Variants in NFKB1 observed in about 807,000 individuals in gnomAD.
The protein encoded by NFKB1 is nuclear factor kappa B subunit 1, also known as nuclear factor NF-kappa-B p105 subunit.
In NFKB1, 9 loss-of-function variants were observed where a neutral mutation model predicts 105.1. The observed-to-expected ratio is 0.09, with a 90% CI of 0.05 to 0.15. NFKB1 has a LOEUF of 0.15. Among genes scored for constraint, NFKB1 ranks in the 10% least tolerant of loss-of-function variants. NFKB1 has a pLI of 1.00. For synonymous variants in NFKB1, 440 were observed against 442.2 expected, an observed-to-expected ratio of 1.00 and a Z score of 0.06; for missense variants, 830 against 1,203.7, an observed-to-expected ratio of 0.69 and a Z score of 4.59.
At chr4:102,585,562 A>G (rs1023883326) in intron 11 of NFKB1, among the ~76,000 whole-genome samples, 1 of 152,214 alleles carries the variant, frequency 6.6e-6, no homozygotes, top group African/African-American at 2.4e-5. Flanking sequence ...AAACTATGAA[A>G]ATGAGTAAGG....
chr4:102,562,720 G>A (rs1481237177), intron 5 of NFKB1, among the ~76,000 whole-genome samples: 1 of 152,184 alleles, frequency 6.6e-6, no homozygotes, highest in Non-Finnish European at 1.5e-5. Context: ...CAGCTAAGTG[G>A]TAACAGTCGG....
In NFKB1 at chr4:102,612,548, T is replaced by C; in HGVS notation, c.2534T>C (p.Leu845Pro). The C allele has an allele frequency of 1.2e-6, 2 of 1,614,050 alleles. No individual in the cohort carries two copies. Among genetic ancestry groups the C allele is most frequent in the Non-Finnish European group, 1.7e-6 (2 of 1,180,028 alleles). Residue 845 changes from leucine (L) to proline (P), a missense_variant, in exon 22 of 24, where the codon CTT becomes CCT. Physicochemically the swap from Leu to Pro is moderately conservative, Grantham distance 98. Around this residue, in one of 8 missense-constraint regions of NFKB1, gnomAD observed 418 missense variants for 575.3 expected, o/e 0.73. Transcript: ENST00000226574. ...GCGCAGAAATTAGGTCTGGGGATAC[T>C]TAATAATGCCTTCCGGCTGAGTCCT... ...TLAQKLGLGILNNAFRLSPAP... is the reference protein window; with the variant it reads ...TLAQKLGLGIPNNAFRLSPAP...
chr4:102,534,541 G>A (rs1038401816), intron 4 of NFKB1, among the ~76,000 whole-genome samples: 1 of 152,158 alleles, frequency 6.6e-6, no homozygotes, highest in Admixed American at 6.6e-5. Context: ...CAACTCTGTG[G>A]ATATTTATAG....
intron 11 of NFKB1, among the ~76,000 whole-genome samples, chr4:102,587,306 T>C (rs192283623): frequency 6.6e-6 from 1 of 152,252 alleles, no homozygotes; most frequent in Non-Finnish European, 1.5e-5. Context: ...ATATGGATAA[T>C]TTTTTTAGAC....
At chr4:102,503,162 A>G (rs917434962) in intron 1 of NFKB1, among the ~76,000 whole-genome samples, 2 of 152,046 alleles carry the variant, frequency 1.3e-5, no homozygotes, top group Non-Finnish European at 2.9e-5. Flanking sequence ...TACTTTTTTG[A>G]GTTTATAAAC....
intron 9 of NFKB1, 34 bp downstream of exon 9, chr4:102,580,673 G>A (rs1560692765): frequency 2.0e-6 from 3 of 1,530,390 alleles, no homozygotes; most frequent in East Asian, 4.5e-5. Flanking sequence ...ATCTCAAGAG[G>A]TGTGATCTTG....
intron 16 of NFKB1, among the ~76,000 whole-genome samples, chr4:102,601,894 A>G (rs1047408581): frequency 4.6e-5 from 7 of 152,084 alleles, no homozygotes; most frequent in Admixed American, 2.0e-4. Flanking sequence ...TACTCCCACC[A>G]GTCTGCTGTA....
rs532849982 is a variant in NFKB1, at chr4:102,596,332, G to A, written c.1495G>A (p.Asp499Asn). 4 of 1,598,606 alleles carry A rather than the reference G, an allele frequency of 2.5e-6. No homozygotes were observed. The African/African-American group carries it at 4.0e-5, about 16-fold the overall frequency. The change falls in exon 14 of 24, where the codon GAT becomes AAT. Residue 499 changes from aspartate to asparagine, a missense_variant and splice_region_variant. Physicochemically the swap from Asp to Asn is conservative, Grantham distance 23. Transcript: ENST00000226574. Reference sequence around the variant, plus strand: ...AAAAGAAGAGAGTGCTGGAGTTCAGGGTAAGTGAGCACACAAATTACGTTC... The same window carrying A: ...AAAAGAAGAGAGTGCTGGAGTTCAGAGTAAGTGAGCACACAAATTACGTTC... ...GTKEESAGVQ[D>N]NLFLEKAMQL...
rs1578837118 is a variant in NFKB1 at position 102,612,381 on chromosome 4, CA to C, written c.2420-52del. 6 of 1,570,002 alleles carry C rather than the reference CA, an allele frequency of 3.8e-6. No individual in the cohort carries two copies. The East Asian group carries it at 1.3e-4, about 35-fold the overall frequency. On this transcript the variant is annotated intron_variant, in intron 21 of 23. Transcript: ENST00000226574. ...GCCAGGCAGCAATGATCAGTCCCTC[CA>C]GAGTGTCTATGGCATGTTAGAACAA...
intron 5 of NFKB1, among the ~76,000 whole-genome samples, chr4:102,563,445 TAAAAA>T (rs145755272): frequency 6.7e-6 from 1 of 149,048 alleles, no homozygotes; most frequent in African/African-American, 2.5e-5. Flanking sequence ...AGATAGTACT[TAAAAA>T]AAAAACTTTC....
At chr4:102,505,240 A>C (rs1739349877) in intron 1 of NFKB1, among the ~76,000 whole-genome samples, 1 of 152,244 alleles carries the variant, frequency 6.6e-6, no homozygotes, top group South Asian at 2.1e-4. Flanking sequence ...TCTGTACAGA[A>C]TAAGAGTCAC....
At chr4:102,608,953 A>G (rs371161128) in intron 19 of NFKB1, among the ~76,000 whole-genome samples, 8 of 151,942 alleles carry the variant, frequency 5.3e-5, no homozygotes, top group African/African-American at 1.9e-4. Context: ...GGAGTGTGAG[A>G]CCAACCAGGT....
At chr4:102,536,377 T>C (rs1741636979) in intron 4 of NFKB1, among the ~76,000 whole-genome samples, 3 of 152,188 alleles carry the variant, frequency 2.0e-5, no homozygotes, top group South Asian at 2.1e-4. Flanking sequence ...TCATAAACTT[T>C]AGACATTTGT....
At chr4:102,589,438 T>C (rs779366565) in intron 11 of NFKB1, among the ~76,000 whole-genome samples, 3 of 152,060 alleles carry the variant, frequency 2.0e-5, no homozygotes, top group Admixed American at 6.5e-5. Flanking sequence ...CCCCTTCTAG[T>C]GGAAGCATAT....
chr4:102,512,354 G>GT (rs939247686), intron 1 of NFKB1, among the ~76,000 whole-genome samples: 4 of 151,996 alleles, frequency 2.6e-5, no homozygotes, highest in East Asian at 1.9e-4. Context: ...GTTTTGTTTT[G>GT]TTTGTTTGTT....
At chr4:102,600,185 A>T (rs981319814) in intron 15 of NFKB1, among the ~76,000 whole-genome samples, 1 of 152,210 alleles carries the variant, frequency 6.6e-6, no homozygotes, top group Non-Finnish European at 1.5e-5. Context: ...TGAGGATGTC[A>T]GGTTTGAACT....
chr4:102,597,174 G>A (rs979760189), intron 14 of NFKB1, among the ~76,000 whole-genome samples: 1 of 152,112 alleles, frequency 6.6e-6, no homozygotes, highest in Non-Finnish European at 1.5e-5. Flanking sequence ...CCAAGATATT[G>A]GTGATTTAAA....
chr4:102,612,356 G>C (rs1031573581), intron 21 of NFKB1, 78 bp from the exon 22 acceptor site: 89 of 1,472,398 alleles, frequency 6.0e-5, no homozygotes, highest in Non-Finnish European at 7.8e-5. Flanking sequence ...TGGACAGCAA[G>C]CCAGGCAGCA....
intron 5 of NFKB1, among the ~76,000 whole-genome samples, chr4:102,551,396 G>T (rs1216413793): frequency 2.0e-5 from 3 of 152,034 alleles, no homozygotes; most frequent in African/African-American, 7.3e-5. Context: ...GTGTGTGTGT[G>T]TTGAGGTGGA....
Sources: gnomAD v4.1 joint callset for allele counts (sites outside exome capture counted in the v4.1 genomes callset) on GRCh38, gnomAD v4.1.1 for gene constraint, gnomAD v4.1.1 regional missense constraint, MANE v1.5 for transcripts, NCBI Gene and HGNC (gene_info 2026-07-23, HGNC 2026-07-21) for gene names.